The following UGT2B4 variants were observed in gnomAD, a reference collection of about 807,000 sequenced individuals.
UGT2B4 encodes the protein UDP glucuronosyltransferase family 2 member B4.
A neutral mutation model predicts 49.8 loss-of-function variants in UGT2B4; 49 were observed. The ratio of observed to expected loss-of-function variants is 0.98; its 90% CI spans 0.78 to 1.25. The LOEUF (loss-of-function observed/expected upper bound fraction) is 1.25. Ranked by LOEUF, UGT2B4 falls within the 50% of genes most tolerant of loss-of-function variation. The pLI is 0.00. For synonymous variants in UGT2B4, 246 were observed against 217.7 expected (o/e 1.13, Z -1.14); for missense variants, 729 against 627.7 (o/e 1.16, Z -1.73).
chr4:69,519,202 G>A (rs754924741), intron 1 of UGT2B4, among the ~76,000 whole-genome samples: 17 of 152,022 alleles, frequency 1.1e-4, no homozygotes, highest in East Asian at 1.9e-4. Context: ...TTTAAAGGAC[G>A]GTCATAAGCT....
chr4:69,508,613 A>G lies in UGT2B4; in HGVS notation c.-105-12647T>C, dbSNP rs369419372. On this transcript the variant is annotated intron_variant, in intron 1 of 1. Transcript: ENST00000510114. ...CAAACTAACGCAGCAGCAGAAAACC[A>G]AATACTGCAGGTCCTTATCTGTAAG... 1.3e-3 allele frequency among the ~76,000 whole-genome samples: 202 copies of G among 152,298 alleles called. 7 individuals are homozygous for G. In the South Asian group the frequency reaches 0.041, roughly 31 times the overall value.
At chr4:69,517,286 T>C (rs1728755384) in intron 1 of UGT2B4, among the ~76,000 whole-genome samples, 1 of 152,070 alleles carries the variant, frequency 6.6e-6, no homozygotes, top group South Asian at 2.1e-4. Flanking sequence ...TAACCAGCAA[T>C]AATAAAACTA....
Position 69,486,691 on chromosome 4 carries a change from C to A in UGT2B4, c.1008G>T (p.Leu336=). 1 of 1,603,750 alleles carries A rather than the reference C, an allele frequency of 6.2e-7. No individual in the cohort carries two copies. Among genetic ancestry groups the A allele is most frequent in the Non-Finnish European group, 8.5e-7 (1 of 1,176,502 alleles). The change falls in exon 4 of 6, where the codon CTG becomes CTT. Residue 336 remains leucine (L), a synonymous_variant. Transcript: ENST00000305107. ...CTGGTTTATTCCCATCAAATCTCCA[C>A]AGAACCTGTTACAGTGAAGAAAATA... The part of the protein sequence containing the change: ...SALAKIPQKV[L]WRFDGNKPDT...
chr4:69,502,123 T>TTC (rs1196981391), intron 1 of UGT2B4, among the ~76,000 whole-genome samples: 4 of 139,612 alleles, frequency 2.9e-5, no homozygotes, highest in Non-Finnish European at 6.1e-5. Context: ...CTTTCTTTCT[T>TTC]TCTTTCTTTC....
intron 4 of UGT2B4, among the ~76,000 whole-genome samples, chr4:69,485,922 A>T (rs1442484082): frequency 6.6e-6 from 1 of 151,902 alleles, no homozygotes; most frequent in African/African-American, 2.4e-5. Flanking sequence ...AGCCATGCCC[A>T]GTTAATTTTT....
At chr4:69,486,028 T>C (rs780631627) in intron 4 of UGT2B4, among the ~76,000 whole-genome samples, 68 of 152,284 alleles carry the variant, frequency 4.5e-4, no homozygotes, top group Middle Eastern at 3.4e-3. Flanking sequence ...CCCAAAGTGC[T>C]AGGATTGCAG....
rs1727552747 is a variant in UGT2B4 at position 69,480,581 on chromosome 4, T to C, written c.*53A>G. 7 of 1,563,360 alleles carry C rather than the reference T, an allele frequency of 4.5e-6. No homozygotes were observed. The Admixed American group carries it at 7.5e-5, about 17-fold the overall frequency. Reference sequence around the variant, plus strand: ...GTATCACAACGTCTTCTTGTTGTAATAAACTAAAGGAGTTCATTTATTGGG... The same window carrying C: ...GTATCACAACGTCTTCTTGTTGTAACAAACTAAAGGAGTTCATTTATTGGG... On this transcript the variant is annotated 3_prime_UTR_variant, in exon 6 of 6. Transcript: ENST00000305107.
chr4:69,486,396 A>G (rs1727783099), intron 4 of UGT2B4, among the ~76,000 whole-genome samples: 1 of 152,104 alleles, frequency 6.6e-6, no homozygotes, highest in Non-Finnish European at 1.5e-5. Context: ...AAATAAAGAT[A>G]CTCTGACTCT....
At chr4:69,523,033 G>T (rs1341166077) in intron 1 of UGT2B4, among the ~76,000 whole-genome samples, 1 of 152,070 alleles carries the variant, frequency 6.6e-6, no homozygotes, top group African/African-American at 2.4e-5. Context: ...ACATCTTCAG[G>T]CTCTAATCCT....
intron 1 of UGT2B4, among the ~76,000 whole-genome samples, chr4:69,523,504 T>C (rs891204288): frequency 6.6e-6 from 1 of 151,848 alleles, no homozygotes; most frequent in Non-Finnish European, 1.5e-5. Flanking sequence ...GAGCAATAGA[T>C]CTCAATACTG....
chr4:69,486,727 T>C (rs1221404299), intron 3 of UGT2B4, 31 bp from the exon 4 acceptor site: 2 of 1,503,406 alleles, frequency 1.3e-6, no homozygotes, highest in South Asian at 1.2e-5. Context: ...TCTTATTCCA[T>C]GAGTGGAACT....
intron 2 of UGT2B4, 79 bp downstream of exon 2, chr4:69,493,614 T>C: frequency 2.0e-6 from 3 of 1,479,348 alleles, no homozygotes; most frequent in South Asian, 2.9e-5. Context: ...TCTTCCAGTG[T>C]AAGTCAAACA....
At chr4:69,498,905 A>T (rs758560710), upstream of UGT2B4, among the ~76,000 whole-genome samples, 12 of 152,026 alleles carry the variant, frequency 7.9e-5, no homozygotes, top group Non-Finnish European at 1.3e-4. Context: ...GTCTTCTGCT[A>T]GCTTTGGGGT....
intron 2 of UGT2B4, 63 bp from the exon 3 acceptor site, chr4:69,489,633 A>C (rs928597988): frequency 6.5e-7 from 1 of 1,545,564 alleles, no homozygotes; most frequent in African/African-American, 1.4e-5. Flanking sequence ...ACTGTGAAAG[A>C]ATTGTTATAA....
chr4:69,493,110 A>G (rs1728042662), intron 2 of UGT2B4, among the ~76,000 whole-genome samples: 1 of 152,008 alleles, frequency 6.6e-6, no homozygotes, highest in South Asian at 2.1e-4. Flanking sequence ...GAGTCTTGAG[A>G]ACTGTCCTGA....
Position 69,493,820 on chromosome 4 carries a change from T to A in UGT2B4, c.743A>T (p.Glu248Val). Residue 248 changes from glutamate (E) to valine (V), a missense_variant, in exon 2 of 6, where the codon GAG (glutamate) becomes GTG (valine). Transcript: ENST00000305107. ...EVLGRPTTLS[E>V]TMAKADIWLI... ...CCATATGTCAGCTTTTGCCATTGTC[T>A]CAGATAACGTAGTGGGTCTTCCTGA... The A allele has an allele frequency of 6.2e-7, 1 of 1,603,734 alleles. No individual in the cohort carries two copies. The highest frequency in any genetic ancestry group is 8.5e-7 in the Non-Finnish European group (1 of 1,175,894).
intron 2 of UGT2B4, among the ~76,000 whole-genome samples, chr4:69,492,012 G>C (rs1728001442): frequency 6.6e-6 from 1 of 152,006 alleles, no homozygotes; most frequent in South Asian, 2.1e-4. Context: ...TCTTAGAAGG[G>C]TGATATCAAT....
chr4:69,491,490 G>GT (rs1727984733), intron 2 of UGT2B4, among the ~76,000 whole-genome samples: 1 of 151,940 alleles, frequency 6.6e-6, no homozygotes, highest in Admixed American at 6.6e-5. Context: ...CATTTGCCAA[G>GT]TGTCCTTTTC....
At position 69,495,684 on chromosome 4, in the gene UGT2B4, C is replaced by T; in HGVS notation, c.178G>A (p.Ala60Thr). 1 of 1,614,042 alleles carries T rather than the reference C, an allele frequency of 6.2e-7. No homozygotes were observed. The highest frequency in any genetic ancestry group is 1.7e-4 in the Middle Eastern group (1 of 6,048). The change falls in exon 1 of 6, where the codon GCT becomes ACT. Residue 60 changes from alanine to threonine, a missense_variant. Coordinates refer to ENST00000305107, the MANE Select transcript of UGT2B4 (RefSeq NM_021139.3). Reference protein sequence around the residue: ...GHEVTVLASSASISFDPNSPS... With the variant: ...GHEVTVLASSTSISFDPNSPS... ...CTGTTGGGATCGAAAGAAATGGAAG[C>T]TGAAGATGCCAATACAGTCACCTCA...
Sources: gnomAD v4.1 joint callset for allele counts (sites outside exome capture counted in the v4.1 genomes callset) on GRCh38, gnomAD v4.1.1 for gene constraint, MANE v1.5 for transcripts, NCBI Gene and HGNC (gene_info 2026-07-23, HGNC 2026-07-21) for gene names.